Variants in PIWIL1 observed in about 807,000 individuals in gnomAD.
PIWIL1 encodes piwi like RNA-mediated gene silencing 1.
A neutral mutation model predicts 114.4 loss-of-function variants in PIWIL1; 73 were observed. That is an observed-to-expected ratio of 0.64 (90% CI 0.53 to 0.78). The LOEUF is 0.78. Among genes scored for constraint, PIWIL1 ranks in the 30% least tolerant of loss-of-function variants. PIWIL1 has a pLI of 0.00. For missense variants in PIWIL1, 723 were observed against 1,063.1 expected, an observed-to-expected ratio of 0.68 and a Z score of 4.45; for synonymous variants, 375 against 369.0, an observed-to-expected ratio of 1.02 and a Z score of -0.19.
At chr12:130,350,783 T>C (rs1252236940) in intron 9 of PIWIL1, among the ~76,000 whole-genome samples, 2 of 152,220 alleles carry the variant, frequency 1.3e-5, no homozygotes, top group Non-Finnish European at 2.9e-5. Context: ...ATTTCCTGTT[T>C]CTAAAAATTT....
chr12:130,362,565 T>G (rs2073543529), intron 16 of PIWIL1, among the ~76,000 whole-genome samples: 1 of 152,214 alleles, frequency 6.6e-6, no homozygotes, highest in South Asian at 2.1e-4. Flanking sequence ...AGACACAGTT[T>G]GTGATGCTGA....
In PIWIL1 at chr12:130,361,641, T is replaced by A. The variant is rs765384275; in HGVS notation, c.1970+40T>A. 8.7e-6 allele frequency: 13 copies of A among 1,501,706 alleles called. No homozygotes were observed. In the South Asian group the frequency reaches 9.0e-5, roughly 10 times the overall value. The allele number at this position is 1,501,706 out of a possible 1,614,324, so 93.0% of individuals were successfully genotyped here. ...GCTACTGTGGGTGGCAGTGAGGACA[T>A]AAAGCAGGGTTCTGGAGGTTCAGGA... On this transcript the variant is annotated intron_variant, in intron 16 of 20. Coordinates refer to ENST00000245255, the MANE Select transcript of PIWIL1 (RefSeq NM_004764.5).
the PIWIL1 span, chr12:130,407,892 C>T: frequency 2.3e-5 from 34 of 1,467,346 alleles, no homozygotes; most frequent in South Asian, 3.3e-4. Flanking sequence ...AGCGGTGTTC[C>T]CCTCCTTCCG....
the PIWIL1 span, chr12:130,397,306 A>G: frequency 2.5e-6 from 1 of 398,500 alleles, no homozygotes; most frequent in African/African-American, 2.1e-5. Flanking sequence ...TGAAAGCCCT[A>G]GTTTGGAATT....
At position 130,357,101 on chromosome 12, in the gene PIWIL1, A is replaced by G. The variant is rs2073383509; in HGVS notation, c.1588A>G (p.Ile530Val). Residue 530 changes from isoleucine to valine, a missense_variant, in exon 13 of 21, where the codon ATA (isoleucine) becomes GTA (valine). Ile to Val is a conservative substitution (Grantham distance 29). Transcript: ENST00000245255. ...CATGGGCATGCAAATGAGAAAAGCAATAATGTAAGTTAATCAAGTCATTTC... is the reference window on the plus strand; with the variant it reads ...CATGGGCATGCAAATGAGAAAAGCAGTAATGTAAGTTAATCAAGTCATTTC... ...PAMGMQMRKA[I>V]MIEVDDRTEA... is the part of the protein sequence containing the mutation. 5.6e-6 allele frequency: 9 copies of G among 1,607,810 alleles called. No individual in the cohort carries two copies. The highest frequency in any genetic ancestry group is 2.2e-5 in the South Asian group (2 of 90,542).
chr12:130,394,774 A>C, the PIWIL1 span, among the ~76,000 whole-genome samples: 6 of 144,258 alleles, frequency 4.2e-5, no homozygotes, highest in Non-Finnish European at 7.8e-5. Context: ...TTAAGCAAAT[A>C]GTTTATTTGA....
At chr12:130,355,264 G>C (rs2073332582) in intron 11 of PIWIL1, among the ~76,000 whole-genome samples, 1 of 152,196 alleles carries the variant, frequency 6.6e-6, no homozygotes, top group Admixed American at 6.5e-5. Context: ...ACAGAAAAAG[G>C]GGATGTTTCT....
chr12:130,359,651 G>A (rs1269206908), intron 14 of PIWIL1, among the ~76,000 whole-genome samples: 4 of 152,174 alleles, frequency 2.6e-5, no homozygotes, highest in South Asian at 2.1e-4. Context: ...GTTGGTTATT[G>A]TTAGAAAACT....
intron 18 of PIWIL1, among the ~76,000 whole-genome samples, chr12:130,363,612 C>CTTTTTTTTTTTTTTTT (rs34198016): frequency 1.2e-5 from 1 of 82,382 alleles, no homozygotes; most frequent in Non-Finnish European, 2.1e-5. Context: ...TACTTTCTCC[C>CTTTTTTTTTTTTTTTT]TTTTTTTTTT....
the PIWIL1 span, among the ~76,000 whole-genome samples, chr12:130,408,503 G>C: frequency 6.6e-6 from 1 of 152,166 alleles, no homozygotes; most frequent in Non-Finnish European, 1.5e-5. Context: ...GCCACAGATC[G>C]GGGCCTGGGC....
chr12:130,363,449 A>G (rs2073568745), intron 18 of PIWIL1, among the ~76,000 whole-genome samples: 1 of 152,064 alleles, frequency 6.6e-6, no homozygotes, highest in Admixed American at 6.5e-5. Context: ...AATTCTGTAC[A>G]TCCAAAGGCG....
At chr12:130,397,837 C>T in the PIWIL1 span, 1 of 239,392 alleles carries the variant, frequency 4.2e-6, no homozygotes, top group Non-Finnish European at 8.0e-6. Context: ...TAAATGAAGA[C>T]TAAGGGCAGG....
Position 130,353,526 on chromosome 12 carries a change from C to G in PIWIL1, c.1045-1011C>G, listed in dbSNP as rs1320915151. 2.0e-5 allele frequency among the ~76,000 whole-genome samples: 3 copies of G among 152,012 alleles called. No homozygotes were observed. The East Asian group carries it at 5.8e-4, about 29-fold the overall frequency. On this transcript the variant is annotated intron_variant, in intron 9 of 20. Coordinates refer to ENST00000245255, the MANE Select transcript of PIWIL1 (RefSeq NM_004764.5). ...ATGGTAGGAAAGAGGATCTTTGAGA[C>G]ACAGAGCCAGAACCTGTACTGAAGA...
intron 18 of PIWIL1, among the ~76,000 whole-genome samples, chr12:130,363,951 G>A (rs1023734424): frequency 2.0e-5 from 3 of 152,108 alleles, no homozygotes; most frequent in East Asian, 1.9e-4. Flanking sequence ...GTGGACAGCC[G>A]AGGATGGTAT....
At chr12:130,422,474 G>T in the PIWIL1 span, 1 of 1,612,278 alleles carries the variant, frequency 6.2e-7, no homozygotes, top group Non-Finnish European at 8.5e-7. This position sits in a 1 kb window ranked among gnomAD's most constrained non-coding sequence, Gnocchi z 5.2. Flanking sequence ...ACTGTCACGG[G>T]CCGGGACCTC....
intron 9 of PIWIL1, chr12:130,351,308 G>A (rs1002937084): frequency 4.6e-5 from 7 of 152,254 alleles, no homozygotes; most frequent in East Asian, 3.9e-4. Context: ...GGTGTTTTAC[G>A]TGTTATCATA....
At chr12:130,348,082 C>G (rs373532362) in intron 6 of PIWIL1, 21 bp from the exon 7 acceptor site, 2 of 1,503,890 alleles carry the variant, frequency 1.3e-6, no homozygotes, top group Non-Finnish European at 1.8e-6. Flanking sequence ...AATATTCACT[C>G]TCTGACCTTT....
At chr12:130,424,643 G>C in the PIWIL1 span, 1 of 1,231,748 alleles carries the variant, frequency 8.1e-7, no homozygotes, top group Non-Finnish European at 1.0e-6. The surrounding 1 kb of genome is among the most constrained non-coding windows in gnomAD (Gnocchi z 9.8). Flanking sequence ...GAGGGGCCTC[G>C]TCGCCCCTGT....
chr12:130,374,653 G>A (rs541657289), downstream of PIWIL1, among the ~76,000 whole-genome samples: 5 of 152,244 alleles, frequency 3.3e-5, no homozygotes, highest in South Asian at 2.1e-4. Flanking sequence ...GGAGTCCAGC[G>A]CTCTGCCCTC....
Sources: gnomAD v4.1 joint callset for allele counts (sites outside exome capture counted in the v4.1 genomes callset) on GRCh38, gnomAD v4.1.1 for gene constraint, Gnocchi (gnomAD v3.1) non-coding constraint, MANE v1.5 for transcripts, NCBI Gene and HGNC (gene_info 2026-07-23, HGNC 2026-07-21) for gene names.